The following LONP2 variants were observed in gnomAD, a reference collection of about 807,000 sequenced individuals.
LONP2 encodes the protein lon protease homolog 2, peroxisomal.
LONP2 carries 60 observed loss-of-function variants against 85.6 expected under a neutral mutation model. That is an observed-to-expected ratio of 0.70 (90% CI 0.57 to 0.87). The LOEUF (loss-of-function observed/expected upper bound fraction) is 0.87, where lower values mean the gene tolerates loss of function less well. Ranked by LOEUF, LONP2 falls within the 40% of genes least tolerant of loss-of-function variation. The pLI is 0.00. For missense variants in LONP2, 860 were observed against 1,063.5 expected, an observed-to-expected ratio of 0.81 and a Z score of 2.66; for synonymous variants, 395 against 389.7, an observed-to-expected ratio of 1.01 and a Z score of -0.16.
chr16:48,289,855 A>G (rs1972523417), intron 8 of LONP2, among the ~76,000 whole-genome samples: 1 of 152,216 alleles, frequency 6.6e-6, no homozygotes, highest in South Asian at 2.1e-4. Flanking sequence ...GTCTTCACAA[A>G]TGGGTAGTAG....
Position 48,244,307 on chromosome 16 carries a change from A to G in LONP2, c.-82A>G. On this transcript the variant is annotated 5_prime_UTR_variant, in exon 1 of 15. Coordinates refer to ENST00000285737, the MANE Select transcript of LONP2 (RefSeq NM_031490.5). ...AAGCGGAGGCGTGGAGGCGGGTCTG[A>G]GGTTTGGTGACTGCGGGGCAGGCCG... 9.6e-7 allele frequency: 1 copy of G among 1,042,300 alleles called. No homozygotes were observed. The highest frequency in any genetic ancestry group is 1.3e-6 in the Non-Finnish European group (1 of 755,760). The allele number at this position is 1,042,300 out of a possible 1,614,324, so 64.6% of individuals were successfully genotyped here.
intron 8 of LONP2, among the ~76,000 whole-genome samples, chr16:48,286,717 G>A (rs1023788943): frequency 6.6e-5 from 10 of 151,770 alleles, no homozygotes; most frequent in East Asian, 1.9e-4. Context: ...GGCTGGTCTC[G>A]AACTCCTGAG....
intron 5 of LONP2, 53 bp downstream of exon 5, chr16:48,261,640 A>G: frequency 1.5e-6 from 2 of 1,301,802 alleles, no homozygotes; most frequent in Middle Eastern, 1.9e-4. Flanking sequence ...GGTACTCCTG[A>G]TTAACACCAC....
intron 10 of LONP2, among the ~76,000 whole-genome samples, chr16:48,301,830 A>G (rs1972812016): frequency 1.3e-5 from 2 of 152,196 alleles, no homozygotes; most frequent in African/African-American, 4.8e-5. Context: ...AAGATAAAAT[A>G]CTATCAGGTG....
intron 12 of LONP2, chr16:48,334,847 A>G: frequency 2.0e-6 from 1 of 505,330 alleles, no homozygotes; most frequent in East Asian, 5.2e-5. Context: ...CTTCACAAAG[A>G]TCCACATCTC....
At chr16:48,299,913 TGAAA>T in intron 10 of LONP2, 125 bp downstream of exon 10, 1 of 945,254 alleles carries the variant, frequency 1.1e-6, no homozygotes, top group Non-Finnish European at 1.5e-6. Flanking sequence ...CACAGTCTCC[TGAAA>T]AGGAGATTAG....
At chr16:48,328,675 C>CA (rs964534755) in intron 11 of LONP2, among the ~76,000 whole-genome samples, 1,379 of 67,490 alleles carry the variant, frequency 0.02, 20 homozygotes, top group East Asian at 0.049. Flanking sequence ...GACTCCGTCT[C>CA]AAAAAAAAAA....
chr16:48,287,780 G>A (rs576072158), intron 8 of LONP2, among the ~76,000 whole-genome samples: 3 of 152,264 alleles, frequency 2.0e-5, no homozygotes, highest in African/African-American at 7.2e-5. Flanking sequence ...TCTTGAATAA[G>A]CACTCCTCAA....
chr16:48,354,603 T>A lies in LONP2; in HGVS notation c.*2801T>A, dbSNP rs1960267740. 1 of 152,012 alleles carries A rather than the reference T, an allele frequency of 6.6e-6. No individual in the cohort carries two copies. Among genetic ancestry groups the A allele is most frequent in the South Asian group, 2.1e-4 (1 of 4,832 alleles). The allele number at this position is 152,012 out of a possible 1,614,324, so 9.4% of individuals were successfully genotyped here. On this transcript the variant is annotated 3_prime_UTR_variant, in exon 15 of 15. Transcript: ENST00000285737. ...CACCCCAGACCCTGGTAACCACTAT[T>A]TCACTTTCTTTCTGAATTTCCCTTC...
At chr16:48,292,168 G>A (rs962816088) in intron 8 of LONP2, among the ~76,000 whole-genome samples, 26 of 152,180 alleles carry the variant, frequency 1.7e-4, no homozygotes, top group South Asian at 4.1e-4. Flanking sequence ...TAAATATAGC[G>A]TACAGGAAGC....
chr16:48,303,529 T>C (rs946218560), intron 11 of LONP2, among the ~76,000 whole-genome samples: 1 of 152,182 alleles, frequency 6.6e-6, no homozygotes, highest in African/African-American at 2.4e-5. Context: ...ATAATATGAA[T>C]GCTTTGAGGA....
At chr16:48,308,910 C>A (rs1365870690) in intron 11 of LONP2, among the ~76,000 whole-genome samples, 1 of 152,016 alleles carries the variant, frequency 6.6e-6, no homozygotes, top group Non-Finnish European at 1.5e-5. Flanking sequence ...ATGCAAAAGA[C>A]CAATACCCAG....
In LONP2 at chr16:48,355,154, C is replaced by A. The variant is rs1223944837; in HGVS notation, c.*3352C>A. On this transcript the variant is annotated 3_prime_UTR_variant, in exon 15 of 15. Transcript: ENST00000285737. The stretch of plus-strand genomic sequence containing the variant: ...TCCCTTCTTAGGTCCTTTAGGGATA[C>A]ATATCCAGGAGCAGAACTACTAGAT... The A allele has an allele frequency of 6.6e-6, 1 of 152,112 alleles. No homozygotes were observed. The highest frequency in any genetic ancestry group is 1.9e-4 in the East Asian group (1 of 5,202). 9.4% of individuals were successfully genotyped at this position (152,112 alleles called of 1,614,324 possible).
downstream of LONP2, among the ~76,000 whole-genome samples, chr16:48,359,918 A>C (rs142881051): frequency 1.4e-3 from 209 of 152,328 alleles, 1 homozygote; most frequent in African/African-American, 4.8e-3. Flanking sequence ...AAACCACACA[A>C]AATTCTCTTT....
At chr16:48,261,712 C>A in intron 5 of LONP2, 125 bp downstream of exon 5, 1 of 652,968 alleles carries the variant, frequency 1.5e-6, no homozygotes, top group Non-Finnish European at 2.4e-6. Flanking sequence ...CTGCAGTGTG[C>A]TGTCAGGCAA....
chr16:48,354,588 C>CA lies in LONP2; in HGVS notation c.*2786_*2787insA, dbSNP rs1777963311. 6.6e-6 allele frequency: 1 copy of CA among 152,220 alleles called. No homozygotes were observed. Among genetic ancestry groups the CA allele is most frequent in the Admixed American group, 6.5e-5 (1 of 15,268 alleles). 9.4% of individuals were successfully genotyped at this position (152,220 alleles called of 1,614,324 possible). A position where few individuals can be genotyped will look rare whatever the true frequency, so the allele number is the denominator to read the frequency against. On this transcript the variant is annotated 3_prime_UTR_variant, in exon 15 of 15. Coordinates refer to ENST00000285737, the MANE Select transcript of LONP2 (RefSeq NM_031490.5). ...TCCAAATTCCACCCTCACCCCAGAC[C>CA]CTGGTAACCACTATTTCACTTTCTT...
intron 2 of LONP2, among the ~76,000 whole-genome samples, chr16:48,252,669 G>T (rs1333781320): frequency 6.6e-6 from 1 of 152,088 alleles, no homozygotes; most frequent in East Asian, 1.9e-4. Flanking sequence ...ACGAAATACT[G>T]CACAGAAGCT....
intron 6 of LONP2, among the ~76,000 whole-genome samples, chr16:48,268,346 T>C (rs1972033748): frequency 1.3e-5 from 2 of 152,204 alleles, no homozygotes; most frequent in African/African-American, 4.8e-5. Flanking sequence ...ATCTTGACTT[T>C]TATTCTTACC....
intron 7 of LONP2, among the ~76,000 whole-genome samples, chr16:48,270,482 A>G (rs1360779012): frequency 6.6e-6 from 1 of 152,204 alleles, no homozygotes; most frequent in Non-Finnish European, 1.5e-5. Context: ...TTTGTATGAC[A>G]GTGGATACTA....
Sources: allele counts gnomAD v4.1 joint callset (sites outside exome capture counted in the v4.1 genomes callset), GRCh38; gene constraint gnomAD v4.1.1; transcripts MANE v1.5; gene names NCBI Gene and HGNC (gene_info 2026-07-23, HGNC 2026-07-21).